COL1A2: variants seen among roughly 807,000 people sequenced by gnomAD.
COL1A2 encodes collagen type I alpha 2 chain.
In COL1A2, 49 loss-of-function variants were observed where a neutral mutation model predicts 174.3. That is an observed-to-expected ratio of 0.28 (90% CI 0.22 to 0.36). The LOEUF (loss-of-function observed/expected upper bound fraction) is 0.36, where lower values mean the gene tolerates loss of function less well. Ranked by LOEUF, COL1A2 falls within the 10% of genes least tolerant of loss-of-function variation. The probability of loss-of-function intolerance (pLI) is 1.00; values close to 1 mark genes in which losing one functional copy is unlikely to be tolerated. For missense variants in COL1A2, 1,438 were observed against 1,822.7 expected, an observed-to-expected ratio of 0.79 and a Z score of 3.84; for synonymous variants, 655 against 606.6, an observed-to-expected ratio of 1.08 and a Z score of -1.17.
chr7:94,396,037 T>C (rs1791576337), intron 1 of COL1A2, among the ~76,000 whole-genome samples: 1 of 152,118 alleles, frequency 6.6e-6, no homozygotes, highest in Non-Finnish European at 1.5e-5. Context: ...TGCGTGACTT[T>C]GGGCAAGTCA....
chr7:94,429,068 G>C, intron 50 of COL1A2, 120 bp from the exon 51 acceptor site: 1 of 827,630 alleles, frequency 1.2e-6, no homozygotes, highest in Non-Finnish European at 1.9e-6. Context: ...CTTTTCCTAA[G>C]CTTGGATCTG....
intron 1 of COL1A2, 21 bp downstream of exon 1, chr7:94,395,122 T>TG (rs773394670): frequency 6.2e-7 from 1 of 1,607,464 alleles, no homozygotes; most frequent in South Asian, 1.1e-5. Flanking sequence ...TCAGCTTGTT[T>TG]GGGGGAGACT....
chr7:94,429,108 C>A, intron 50 of COL1A2, 80 bp from the exon 51 acceptor site: 1 of 815,866 alleles, frequency 1.2e-6, no homozygotes, highest in Non-Finnish European at 1.8e-6. Context: ...CTTTTTTTTT[C>A]TTTTTTTTTT....
At chr7:94,416,177 G>A (rs754451098) in intron 30 of COL1A2, among the ~76,000 whole-genome samples, 5 of 152,282 alleles carry the variant, frequency 3.3e-5, no homozygotes, top group Middle Eastern at 3.4e-3. Context: ...TAGAAGCAAC[G>A]AATTCTGGAG....
rs1792201683 is a variant in COL1A2 at position 94,423,073 on chromosome 7, T to C, written c.2520T>C (p.Pro840=). 6.2e-7 allele frequency: 1 copy of C among 1,614,102 alleles called. No individual in the cohort carries two copies. The highest frequency in any genetic ancestry group is 1.1e-5 in the South Asian group (1 of 91,088). ...RTGEVGAVGP[P]GFAGEKGPSG... ...GAGAAGTAGGTGCAGTTGGTCCCCC[T>C]GGCTTCGCTGGTGAGAAGGGTCCCT... Residue 840 remains proline (P), a synonymous_variant, in exon 40 of 52, where the codon CCT becomes CCC. Coordinates refer to ENST00000297268, the MANE Select transcript of COL1A2 (RefSeq NM_000089.4).
At chr7:94,423,324 A>C in intron 40 of COL1A2, 1 of 608,468 alleles carries the variant, frequency 1.6e-6, no homozygotes, top group Non-Finnish European at 2.9e-6. Context: ...GAAGACAATA[A>C]ATGAGGGAAC....
intron 48 of COL1A2, 154 bp from the exon 49 acceptor site, chr7:94,427,473 G>GC: frequency 9.2e-7 from 1 of 1,090,852 alleles, no homozygotes; most frequent in Non-Finnish European, 1.4e-6. Context: ...CTGCAAGTGT[G>GC]CCTGGGGGCT....
In COL1A2 at chr7:94,409,587, T is replaced by C; in HGVS notation, c.915T>C (p.Leu305=). Residue 305 remains leucine, a synonymous_variant, in exon 18 of 52, where the codon CTT becomes CTC. Coordinates refer to ENST00000297268, the MANE Select transcript of COL1A2 (RefSeq NM_000089.4). The part of the protein sequence containing the change: ...GPPGNPGANG[L]TGAKGAAGLP... ...AGGGTAATCCTGGAGCAAACGGCCT[T>C]ACTGGTGCCAAGGGTGCTGCTGTGA... 7.4e-6 allele frequency: 12 copies of C among 1,614,186 alleles called. No homozygotes were observed. The highest frequency in any genetic ancestry group is 1.0e-5 in the Non-Finnish European group (12 of 1,180,006).
intron 38 of COL1A2, chr7:94,421,383 A>T: frequency 2.3e-6 from 1 of 438,932 alleles, no homozygotes; most frequent in South Asian, 2.3e-5. Flanking sequence ...CTTTGCAGGC[A>T]ATGCTATCAC....
In COL1A2 at chr7:94,431,220, CA is replaced by C. The variant is rs1792395774; in HGVS notation, c.*831del. On this transcript the variant is annotated 3_prime_UTR_variant, in exon 52 of 52. Coordinates refer to ENST00000297268, the MANE Select transcript of COL1A2 (RefSeq NM_000089.4). ...ATGAAATAAAGCATGTTTGGTTTTCCAAAAGAACATATTGAGTAAAATTCCT... is the reference window on the plus strand; with the variant it reads ...ATGAAATAAAGCATGTTTGGTTTTCCAAAGAACATATTGAGTAAAATTCCT... 6.6e-6 allele frequency: 1 copy of C among 152,448 alleles called. No individual in the cohort carries two copies. The highest frequency in any genetic ancestry group is 1.5e-5 in the Non-Finnish European group (1 of 68,014). 9.4% of individuals were successfully genotyped at this position (152,448 alleles called of 1,614,324 possible). A position where few individuals can be genotyped will look rare whatever the true frequency, so the allele number is the denominator to read the frequency against.
At chr7:94,428,240 CT>C in intron 49 of COL1A2, 52 bp from the exon 50 acceptor site, 1 of 1,370,094 alleles carries the variant, frequency 7.3e-7, no homozygotes, top group Non-Finnish European at 1.0e-6. Context: ...TTATTAGAAT[CT>C]GTGTTCTGCT....
chr7:94,405,307 T>C (rs1021744398), intron 10 of COL1A2, 55 bp downstream of exon 10: 38 of 1,511,390 alleles, frequency 2.5e-5, no homozygotes, highest in Middle Eastern at 3.4e-4. Context: ...ATAAGATAGT[T>C]GCTAAAACTA....
At chr7:94,404,524 GCTAA>G (rs1467096367) in intron 6 of COL1A2, 28 bp from the exon 7 acceptor site, 1 of 1,611,400 alleles carries the variant, frequency 6.2e-7, no homozygotes, top group Non-Finnish European at 8.5e-7. Flanking sequence ...ACTTATCAGT[GCTAA>G]CTGTTGATAT....
rs556368197 is a variant in COL1A2, at chr7:94,413,002, C to T, written c.1504-81C>T. On this transcript the variant is annotated intron_variant, in intron 25 of 51. Coordinates refer to ENST00000297268, the MANE Select transcript of COL1A2 (RefSeq NM_000089.4). ...AAAGAACACAAAAACAAGCAGGATT[C>T]AACATTGCAAAATCACCGTGGTTAA... 4.4e-5 allele frequency: 60 copies of T among 1,379,070 alleles called. 1 individual carries two copies. The highest frequency in any genetic ancestry group is 3.5e-4 in the South Asian group (30 of 86,422). The allele number at this position is 1,379,070 out of a possible 1,614,324, so 85.4% of individuals were successfully genotyped here. A position where few individuals can be genotyped will look rare whatever the true frequency, so the allele number is the denominator to read the frequency against.
At chr7:94,424,212 C>G in intron 40 of COL1A2, 124 bp from the exon 41 acceptor site, 1 of 767,416 alleles carries the variant, frequency 1.3e-6, no homozygotes, top group Non-Finnish European at 2.3e-6. Flanking sequence ...AGGATATGTC[C>G]TAGTAATAGG....
At position 94,427,634 on chromosome 7, in the gene COL1A2, CT is replaced by C. The variant is rs1173518955; in HGVS notation, c.3276del (p.Gly1093ValfsTer11). On this transcript the variant is annotated frameshift_variant, in exon 49 of 52. Coordinates refer to ENST00000297268, the MANE Select transcript of COL1A2 (RefSeq NM_000089.4). LOFTEE classifies it high-confidence loss of function. ...TCACTTTCACCTTTGCAGGGCCCCC[CT>C]GGTCCCCCTGGCCCTCCTGGACCTC... is the stretch of plus-strand genomic sequence containing the variant. ...PQGHQGPAGP[P>X]GPPGPPGPPG... 2 of 1,614,154 alleles carry C rather than the reference CT, an allele frequency of 1.2e-6. No homozygotes were observed. Among genetic ancestry groups the C allele is most frequent in the Non-Finnish European group, 8.5e-7 (1 of 1,180,014 alleles).
intron 13 of COL1A2, 49 bp from the exon 14 acceptor site, chr7:94,408,134 T>A (rs751859552): frequency 6.3e-7 from 1 of 1,596,422 alleles, no homozygotes; most frequent in East Asian, 2.2e-5. Context: ...GCCTGTGACT[T>A]TTTTTAAATT....
intron 26 of COL1A2, among the ~76,000 whole-genome samples, 183 bp downstream of exon 26, chr7:94,413,319 A>G (rs949248324): frequency 6.6e-6 from 1 of 152,248 alleles, no homozygotes; most frequent in Non-Finnish European, 1.5e-5. Flanking sequence ...GCAAAAACAA[A>G]TCAGAATATA....
chr7:94,417,899 A>G (rs1186391347), intron 32 of COL1A2, 68 bp downstream of exon 32: 14 of 1,303,208 alleles, frequency 1.1e-5, no homozygotes, highest in Non-Finnish European at 1.4e-5. Flanking sequence ...AGGATGCCCA[A>G]GTTTTCACAA....
Sources: gnomAD v4.1 joint callset for allele counts (sites outside exome capture counted in the v4.1 genomes callset) on GRCh38, gnomAD v4.1.1 for gene constraint, MANE v1.5 for transcripts, NCBI Gene and HGNC (gene_info 2026-07-23, HGNC 2026-07-21) for gene names.